Variants in KCNMA1 observed in about 807,000 individuals in gnomAD.
KCNMA1 encodes Calcium-activated potassium channel subunit alpha-1.
A neutral mutation model predicts 140.0 loss-of-function variants in KCNMA1; 29 were observed. That is an observed-to-expected ratio of 0.21 (90% CI 0.15 to 0.28). KCNMA1 has a LOEUF of 0.28. Ranked by LOEUF, KCNMA1 falls within the 10% of genes least tolerant of loss-of-function variation. The pLI is 1.00. For synonymous variants in KCNMA1, 612 were observed against 611.9 expected (o/e 1.00, Z 0.00); for missense variants, 880 against 1,602.2 (o/e 0.55, Z 7.70).
At chr10:77,212,196 C>A (rs2046303320) in intron 3 of KCNMA1, among the ~76,000 whole-genome samples, 1 of 152,136 alleles carries the variant, frequency 6.6e-6, no homozygotes, top group Admixed American at 6.6e-5. Flanking sequence ...TTGAATCAAC[C>A]TAGGTGCCCA....
chr10:76,944,678 T>A, intron 23 of KCNMA1, 95 bp downstream of exon 23: 1 of 1,173,612 alleles, frequency 8.5e-7, no homozygotes, highest in Non-Finnish European at 1.3e-6. Context: ...GGCAGGCTGA[T>A]GTGAGCCTCT....
At chr10:77,169,389 T>G (rs1477065544) in intron 5 of KCNMA1, among the ~76,000 whole-genome samples, 1 of 152,026 alleles carries the variant, frequency 6.6e-6, no homozygotes, top group Non-Finnish European at 1.5e-5. Context: ...ATTTAATTTT[T>G]TATTTTTATT....
At chr10:77,194,931 TCAC>T (rs1454764441) in intron 3 of KCNMA1, among the ~76,000 whole-genome samples, 3 of 152,236 alleles carry the variant, frequency 2.0e-5, no homozygotes, top group African/African-American at 7.2e-5. Flanking sequence ...ACATAGATAG[TCAC>T]CACAAGGACA....
intron 2 of KCNMA1, among the ~76,000 whole-genome samples, chr10:77,305,465 G>A (rs1336249806): frequency 6.6e-6 from 1 of 152,138 alleles, no homozygotes; most frequent in Non-Finnish European, 1.5e-5. Context: ...CACAAGCCAA[G>A]GAGTAGAGCT....
At chr10:77,590,710 C>T (rs1023834868) in intron 1 of KCNMA1, among the ~76,000 whole-genome samples, 1 of 152,172 alleles carries the variant, frequency 6.6e-6, no homozygotes, top group Admixed American at 6.5e-5. Context: ...GCGCCCAGAG[C>T]GAGCGAGGGC....
At chr10:77,148,350 A>G (rs1367754072) in intron 5 of KCNMA1, 1 of 152,238 alleles carries the variant, frequency 6.6e-6, no homozygotes, top group African/African-American at 2.4e-5. Flanking sequence ...TACAGTTTAC[A>G]AAGAACAGAG....
chr10:76,970,330 A>C, intron 19 of KCNMA1: 1 of 10,084 alleles, frequency 9.9e-5, no homozygotes, highest in Non-Finnish European at 2.5e-4. Context: ...CTGCCATAAG[A>C]AAAAAAAAAA....
intron 17 of KCNMA1, 132 bp downstream of exon 17, chr10:77,018,881 A>C: frequency 1.5e-6 from 1 of 688,692 alleles, no homozygotes; most frequent in Non-Finnish European, 2.7e-6. Flanking sequence ...AGTCCGTGGA[A>C]GTTTTTCTTA....
chr10:77,549,429 T>C (rs1375958073), intron 1 of KCNMA1, among the ~76,000 whole-genome samples: 1 of 152,186 alleles, frequency 6.6e-6, no homozygotes, highest in Non-Finnish European at 1.5e-5. Flanking sequence ...AACAGGAAAG[T>C]AGCACCCAGA....
intron 2 of KCNMA1, among the ~76,000 whole-genome samples, chr10:77,320,165 A>T (rs1296833066): frequency 6.6e-6 from 1 of 152,210 alleles, no homozygotes; most frequent in South Asian, 2.1e-4. Context: ...GAGACTCATC[A>T]ACATATTTTT....
chr10:77,491,275 A>G (rs1224959198), intron 1 of KCNMA1, among the ~76,000 whole-genome samples: 1 of 152,156 alleles, frequency 6.6e-6, no homozygotes, highest in Non-Finnish European at 1.5e-5. Context: ...GGACTGGCCC[A>G]GGAGACCACT....
intron 2 of KCNMA1, among the ~76,000 whole-genome samples, chr10:77,401,211 C>T (rs1275687996): frequency 4.0e-5 from 6 of 151,340 alleles, no homozygotes; most frequent in Admixed American, 2.0e-4. Context: ...TGCAGTGGGG[C>T]GATCTCAGCA....
At chr10:76,884,774 A>C, downstream of KCNMA1, 11 of 588,814 alleles carry the variant, frequency 1.9e-5, no homozygotes, top group Admixed American at 1.5e-4. Context: ...GAGAAGAAGG[A>C]AGGGAAAAGG....
intron 3 of KCNMA1, among the ~76,000 whole-genome samples, chr10:77,220,642 T>G (rs750336458): frequency 9.9e-5 from 15 of 152,168 alleles, no homozygotes; most frequent in Non-Finnish European, 1.5e-4. Flanking sequence ...GAGGAGATTG[T>G]TTTAGTAGCC....
At chr10:76,955,749 A>G (rs1057074667) in intron 20 of KCNMA1, among the ~76,000 whole-genome samples, 1 of 152,228 alleles carries the variant, frequency 6.6e-6, no homozygotes. Context: ...GTCCTTGAAG[A>G]GTCTTTAACA....
chr10:77,228,646 G>A (rs985969567), intron 3 of KCNMA1, among the ~76,000 whole-genome samples: 6 of 152,140 alleles, frequency 3.9e-5, no homozygotes, highest in African/African-American at 1.4e-4. Flanking sequence ...TCAATTTGAA[G>A]GCACATAAAA....
chr10:77,420,501 C>G (rs1246354130), intron 1 of KCNMA1, among the ~76,000 whole-genome samples: 1 of 152,216 alleles, frequency 6.6e-6, no homozygotes, highest in Non-Finnish European at 1.5e-5. Context: ...TATCAGTCCC[C>G]TCAGATATCA....
intron 18 of KCNMA1, among the ~76,000 whole-genome samples, chr10:77,005,765 C>G (rs1250244711): frequency 6.6e-6 from 1 of 152,190 alleles, no homozygotes; most frequent in African/African-American, 2.4e-5. Context: ...GATATTCAAC[C>G]AACATTTCCA....
At chr10:77,232,101 C>T (rs1221837000) in intron 3 of KCNMA1, among the ~76,000 whole-genome samples, 1 of 152,220 alleles carries the variant, frequency 6.6e-6, no homozygotes, top group Non-Finnish European at 1.5e-5. Context: ...TATGTTGTGG[C>T]ATGTTTCAGT....
Sources: allele counts gnomAD v4.1 joint callset (sites outside exome capture counted in the v4.1 genomes callset), GRCh38; gene constraint gnomAD v4.1.1; transcripts MANE v1.5; gene names NCBI Gene and HGNC (gene_info 2026-07-23, HGNC 2026-07-21).